Variants in AGR3 observed in about 807,000 individuals in gnomAD.
AGR3 encodes the protein anterior gradient 3, protein disulphide isomerase family member.
A neutral mutation model predicts 24.5 loss-of-function variants in AGR3; 37 were observed. That is an observed-to-expected ratio of 1.51 (90% CI 1.16 to 1.99). The LOEUF is 1.99. Among genes scored for constraint, AGR3 ranks in the 30% most tolerant of loss-of-function variants. The probability of loss-of-function intolerance (pLI) is 0.00; values close to 1 mark genes in which losing one functional copy is unlikely to be tolerated. For synonymous variants in AGR3, 75 were observed against 61.6 expected, an observed-to-expected ratio of 1.22 and a Z score of -1.02; for missense variants, 228 against 191.1, an observed-to-expected ratio of 1.19 and a Z score of -1.14.
intron 3 of AGR3, among the ~76,000 whole-genome samples, chr7:16,863,527 T>G (rs776468174): frequency 6.6e-6 from 1 of 152,090 alleles, no homozygotes; most frequent in African/African-American, 2.4e-5. Flanking sequence ...GCTGTATTAC[T>G]TTTTCTTATA....
At chr7:16,877,976 C>T (rs1298704603) in intron 2 of AGR3, among the ~76,000 whole-genome samples, 1 of 151,934 alleles carries the variant, frequency 6.6e-6, no homozygotes, top group South Asian at 2.1e-4. Flanking sequence ...TGTTTCTAAA[C>T]ATGTAGCCAC....
chr7:16,865,322 A>G, intron 3 of AGR3: 2 of 1,176,788 alleles, frequency 1.7e-6, no homozygotes, highest in Non-Finnish European at 2.5e-6. Flanking sequence ...TATCACCAGA[A>G]CATCCTTGAC....
chr7:16,881,141 T>C (rs976460800), intron 1 of AGR3, among the ~76,000 whole-genome samples: 2 of 152,220 alleles, frequency 1.3e-5, no homozygotes, highest in African/African-American at 4.8e-5. Context: ...AGGTGGAATC[T>C]GCATTTTAAA....
At chr7:16,859,881 T>C (rs1054240377) in intron 7 of AGR3, among the ~76,000 whole-genome samples, 3 of 152,168 alleles carry the variant, frequency 2.0e-5, no homozygotes, top group Non-Finnish European at 4.4e-5. Flanking sequence ...TCTTTTTTTT[T>C]AATGCATCAC....
rs757465440 is a variant in AGR3 at position 16,859,668 on chromosome 7, A to T, written c.452-37T>A. 65 of 1,317,386 alleles carry T rather than the reference A, an allele frequency of 4.9e-5. No homozygotes were observed. The South Asian group carries it at 8.2e-4, about 17-fold the overall frequency. The allele number at this position is 1,317,386 out of a possible 1,614,324, so 81.6% of individuals were successfully genotyped here. ...GTTAATATATATTATGCTATTAATA[A>T]ATGAAAGTACAAATGCTATGATCTA... On this transcript the variant is annotated intron_variant, in intron 7 of 7. Transcript: ENST00000310398.
rs1233937083 is a variant in AGR3 at position 16,862,001 on chromosome 7, T to C, written c.286A>G (p.Ile96Val). 2 of 1,612,932 alleles carry C rather than the reference T, an allele frequency of 1.2e-6. No homozygotes were observed. Among genetic ancestry groups the C allele is most frequent in the South Asian group, 1.1e-5 (1 of 91,040 alleles). The stretch of plus-strand genomic sequence containing the variant: ...TTATGTACCATAAGGTTTAGCATGA[T>C]GAACTTATTCTGAGCCATTTCTTGT... Reference protein sequence around the residue: ...EIQEMAQNKFIMLNLMHETTD... With the variant: ...EIQEMAQNKFVMLNLMHETTD... Residue 96 changes from isoleucine to valine, a missense_variant, in exon 5 of 8, where the codon ATC becomes GTC. Transcript: ENST00000310398.
At chr7:16,876,486 C>T (rs1187030678) in intron 2 of AGR3, among the ~76,000 whole-genome samples, 2 of 151,930 alleles carry the variant, frequency 1.3e-5, no homozygotes. Context: ...TCCTTTTCTC[C>T]TTACTGCCTT....
At chr7:16,866,117 T>C in intron 3 of AGR3, 2 of 555,888 alleles carry the variant, frequency 3.6e-6, no homozygotes, top group Non-Finnish European at 6.9e-6. Flanking sequence ...TTCCTATTTT[T>C]CTAGCTGGAA....
intron 2 of AGR3, among the ~76,000 whole-genome samples, chr7:16,877,880 G>C (rs1486305895): frequency 2.7e-5 from 4 of 146,448 alleles, no homozygotes; most frequent in Non-Finnish European, 6.1e-5. Context: ...AAAAAAAAGA[G>C]AGAATTTTTT....
intron 5 of AGR3, among the ~76,000 whole-genome samples, chr7:16,861,672 G>T (rs1015027684): frequency 6.6e-6 from 1 of 151,634 alleles, no homozygotes; most frequent in African/African-American, 2.4e-5. Flanking sequence ...AGGCTGAGGC[G>T]GGTGGATCAC....
chr7:16,858,418 G>C (rs892103614), downstream of AGR3, among the ~76,000 whole-genome samples: 23 of 152,204 alleles, frequency 1.5e-4, no homozygotes, highest in Admixed American at 1.4e-3. Flanking sequence ...CTCTCTGGAG[G>C]CTTCCTGTAA....
In AGR3 at chr7:16,860,572, T is replaced by C. The variant is rs1432614011; in HGVS notation, c.379A>G (p.Thr127Ala). 19 of 1,612,496 alleles carry C rather than the reference T, an allele frequency of 1.2e-5. No individual in the cohort carries two copies. The East Asian group carries it at 4.2e-4, about 36-fold the overall frequency. Residue 127 changes from threonine to alanine, a missense_variant, in exon 7 of 8, where the codon ACA becomes GCA. By Grantham distance (58) the Thr-to-Ala change is moderately conservative. Transcript: ENST00000310398. ...CTTCCAGCTATGTCAGCTCTAACTG[T>C]TAAAGAAGGGTCTGTCAAGGAAAAA... is the stretch of plus-strand genomic sequence containing the variant. ...PRIMFVDPSL[T>A]VRADIAGRYS... is the part of the protein sequence containing the mutation.
At chr7:16,868,218 C>T (rs369123970) in intron 3 of AGR3, among the ~76,000 whole-genome samples, 18 of 151,670 alleles carry the variant, frequency 1.2e-4, no homozygotes, top group African/African-American at 2.4e-4. Flanking sequence ...TGCAATGGTG[C>T]GATCTCGGCT....
downstream of AGR3, among the ~76,000 whole-genome samples, chr7:16,856,121 T>C (rs1326660124): frequency 2.6e-5 from 4 of 152,322 alleles, no homozygotes; most frequent in East Asian, 7.7e-4. Flanking sequence ...AAGGAGTTAT[T>C]TCCCACCAGT....
chr7:16,878,349 T>C lies in AGR3; in HGVS notation c.109+161A>G, dbSNP rs558217338. Among the ~76,000 whole-genome samples the C allele has an allele frequency of 2.0e-5, 3 of 152,356 alleles. No individual in the cohort carries two copies. In the South Asian group the frequency reaches 6.2e-4, roughly 32 times the overall value. On this transcript the variant is annotated intron_variant, in intron 2 of 7. Transcript: ENST00000310398. ...ATTTGATTCACTGCCTAAAATAAACTGATTCCTTCTGTTTTAAAAAATCCA... is the reference window on the plus strand; with the variant it reads ...ATTTGATTCACTGCCTAAAATAAACCGATTCCTTCTGTTTTAAAAAATCCA...
At chr7:16,875,664 G>GGTCA (rs1781973575) in intron 2 of AGR3, among the ~76,000 whole-genome samples, 1 of 151,942 alleles carries the variant, frequency 6.6e-6, no homozygotes, top group African/African-American at 2.4e-5. Context: ...TCTGTATTTA[G>GGTCA]CTTTTTGAGG....
intron 2 of AGR3, 73 bp from the exon 3 acceptor site, chr7:16,873,916 C>T: frequency 9.0e-7 from 1 of 1,106,926 alleles, no homozygotes; most frequent in Non-Finnish European, 1.4e-6. Flanking sequence ...ATCTAATAAT[C>T]AGATATCTAC....
chr7:16,881,439 A>C (rs566690655), intron 1 of AGR3, among the ~76,000 whole-genome samples: 1 of 152,202 alleles, frequency 6.6e-6, no homozygotes, highest in South Asian at 2.1e-4. Flanking sequence ...CTTTAGTATC[A>C]GTTGCAAGGT....
chr7:16,873,210 T>C (rs2471910), intron 3 of AGR3, among the ~76,000 whole-genome samples: 38,924 of 152,110 alleles, frequency 0.26, 6,149 homozygotes, highest in Non-Finnish European at 0.35. Context: ...CATCAATGGA[T>C]GGATGGATAA....
Sources: gnomAD v4.1 joint callset for allele counts (sites outside exome capture counted in the v4.1 genomes callset) on GRCh38, gnomAD v4.1.1 for gene constraint, MANE v1.5 for transcripts, NCBI Gene and HGNC (gene_info 2026-07-23, HGNC 2026-07-21) for gene names.